NCOA1: variants seen among roughly 807,000 people sequenced by gnomAD.
NCOA1 encodes nuclear receptor coactivator 1, also known as Hin-2 protein.
A neutral mutation model predicts 150.9 loss-of-function variants in NCOA1; 35 were observed. That is an observed-to-expected ratio of 0.23 (90% CI 0.18 to 0.31). The LOEUF is 0.31. Ranked by LOEUF, NCOA1 falls within the 10% of genes least tolerant of loss-of-function variation. NCOA1 has a pLI of 1.00. For synonymous variants in NCOA1, 590 were observed against 630.0 expected (o/e 0.94, Z 0.95); for missense variants, 1,491 against 1,749.3 (o/e 0.85, Z 2.63).
chr2:24,673,378 C>G lies in NCOA1; in HGVS notation c.269C>G (p.Thr90Ser). 2.5e-6 allele frequency: 4 copies of G among 1,570,478 alleles called. No homozygotes were observed. Among genetic ancestry groups the G allele is most frequent in the Non-Finnish European group, 3.4e-6 (4 of 1,163,516 alleles). Residue 90 changes from threonine to serine, a missense_variant, in exon 7 of 23, where the codon ACT becomes AGT. By Grantham distance (58) the Thr-to-Ser change is moderately conservative (BLOSUM62 1). Transcript: ENST00000348332. The stretch of plus-strand genomic sequence containing the variant: ...TTCTTTATTATAGAGAAATCAACAA[C>G]TGATGACGATGTACAGAAATCAGAC... ...MKRMEQEKST[T>S]DDDVQKSDIS...
Position 24,705,108 on chromosome 2 carries a change from C to T in NCOA1, c.972C>T (p.Ser324=). The change falls in exon 12 of 23, where the codon TCC becomes TCT. Residue 324 remains serine, a synonymous_variant. Coordinates refer to ENST00000348332, the MANE Select transcript of NCOA1 (RefSeq NM_003743.5). ...CAGTGATGACTCGTGGCACTGCCTC[C>T]AGCCCCTCCTATAGATTCATATTGA... ...FQEVMTRGTA[S]SPSYRFILND... 2 of 1,613,940 alleles carry T rather than the reference C, an allele frequency of 1.2e-6. No individual in the cohort carries two copies. The highest frequency in any genetic ancestry group is 1.7e-6 in the Non-Finnish European group (2 of 1,179,896).
intron 1 of NCOA1, chr2:24,554,640 C>T (rs1665995877): frequency 6.6e-6 from 1 of 152,334 alleles, no homozygotes; most frequent in South Asian, 2.1e-4. Flanking sequence ...TCCAGAACCT[C>T]TTCCAGCCTC....
intron 21 of NCOA1, among the ~76,000 whole-genome samples, chr2:24,760,074 G>A (rs1321226861): frequency 1.3e-5 from 2 of 149,192 alleles, no homozygotes; most frequent in Non-Finnish European, 3.0e-5. Flanking sequence ...CATTCTTTTT[G>A]TAGTTCTAAA....
intron 13 of NCOA1, 103 bp from the exon 14 acceptor site, chr2:24,710,828 G>A (rs1381252931): frequency 9.1e-7 from 1 of 1,102,616 alleles, no homozygotes; most frequent in East Asian, 2.5e-5. Context: ...TTATCTCAAA[G>A]TCACACTGAA....
At chr2:24,600,560 T>C (rs1250941611) in intron 3 of NCOA1, among the ~76,000 whole-genome samples, 1 of 152,230 alleles carries the variant, frequency 6.6e-6, no homozygotes, top group Non-Finnish European at 1.5e-5. Context: ...TTGTTGTTAC[T>C]TATACTGTGT....
At chr2:24,733,555 G>A (rs746786415) in intron 17 of NCOA1, among the ~76,000 whole-genome samples, 4 of 151,650 alleles carry the variant, frequency 2.6e-5, no homozygotes, top group Admixed American at 1.3e-4. Context: ...ACCACCCTGC[G>A]CAACATGGTG....
rs1370003872 is a variant in NCOA1, at chr2:24,629,809, CATACATACAT to C, written c.-174-14153_-174-14144del. 5.1e-5 allele frequency among the ~76,000 whole-genome samples: 5 copies of C among 97,362 alleles called. No homozygotes were observed. In the South Asian group the frequency reaches 1.5e-3, roughly 30 times the overall value. The allele number at this position is 97,362 out of a possible 152,430, so 63.9% of individuals were successfully genotyped here. On this transcript the variant is annotated intron_variant, in intron 3 of 22. Transcript: ENST00000348332. ...ATGTGCCAGACACTGTTTTAAGTAA[CATACATACAT>C]ATATATATATATATATATATATATA...
chr2:24,757,867 C>A, intron 20 of NCOA1, 106 bp from the exon 21 acceptor site: 1 of 978,996 alleles, frequency 1.0e-6, no homozygotes, highest in Non-Finnish European at 1.5e-6. Context: ...TACAGTCATA[C>A]ATGCAATTTA....
At chr2:24,723,242 T>G (rs1558315826) in intron 14 of NCOA1, among the ~76,000 whole-genome samples, 1 of 152,224 alleles carries the variant, frequency 6.6e-6, no homozygotes, top group Non-Finnish European at 1.5e-5. Context: ...TAGTCACTTT[T>G]TCACTTAATG....
rs1235476316 is a variant in NCOA1 at position 24,706,798 on chromosome 2, G to A, written c.1328G>A (p.Cys443Tyr). 1 of 1,614,194 alleles carries A rather than the reference G, an allele frequency of 6.2e-7. No individual in the cohort carries two copies. The highest frequency in any genetic ancestry group is 1.7e-5 in the Admixed American group (1 of 60,028). The change falls in exon 13 of 23, where the codon TGC becomes TAC. Residue 443 changes from cysteine (C) to tyrosine (Y), a missense_variant. Physicochemically the swap from Cys to Tyr is radical, Grantham distance 194. Around this residue, in one of 8 missense-constraint regions of NCOA1, gnomAD observed 703 missense variants for 717.7 expected, o/e 0.98. Transcript: ENST00000348332. The part of the protein sequence containing the change: ...NSSNSQGSFG[C>Y]SPGSQIVANV... ...AGCAACAGCCAAGGAAGTTTCGGAT[G>A]CTCACCCGGAAGTCAGATTGTAGCC... is the stretch of plus-strand genomic sequence containing the variant.
intron 1 of NCOA1, among the ~76,000 whole-genome samples, chr2:24,506,672 T>C (rs544808207): frequency 2.0e-5 from 3 of 152,310 alleles, no homozygotes; most frequent in East Asian, 1.9e-4. Context: ...TTATGAAATA[T>C]ATATAGTACC....
intron 17 of NCOA1, among the ~76,000 whole-genome samples, chr2:24,738,504 C>T (rs1009160540): frequency 1.3e-5 from 2 of 152,126 alleles, no homozygotes; most frequent in Non-Finnish European, 2.9e-5. Context: ...TGACCTGGAA[C>T]CCTAATCCTG....
intron 11 of NCOA1, among the ~76,000 whole-genome samples, chr2:24,699,346 C>T (rs1223796556): frequency 3.9e-5 from 6 of 152,184 alleles, no homozygotes; most frequent in Non-Finnish European, 7.3e-5. Context: ...ATCCAAATGG[C>T]TAGGCTCCCC....
chr2:24,732,291 A>G (rs3731629), intron 17 of NCOA1, among the ~76,000 whole-genome samples: 39,412 of 152,122 alleles, frequency 0.26, 5,177 homozygotes, highest in Non-Finnish European at 0.28. Context: ...TGGCATGGTA[A>G]CCTAACAGAG....
intron 1 of NCOA1, among the ~76,000 whole-genome samples, chr2:24,563,066 T>G (rs1426026417): frequency 2.6e-5 from 4 of 152,164 alleles, no homozygotes; most frequent in African/African-American, 7.2e-5. Flanking sequence ...GCCCAGTGGT[T>G]GAAAGAGTTG....
intron 1 of NCOA1, among the ~76,000 whole-genome samples, chr2:24,549,792 G>C (rs1423482293): frequency 2.6e-5 from 4 of 152,090 alleles, no homozygotes; most frequent in Admixed American, 2.6e-4. Flanking sequence ...GGATGGTCTC[G>C]ATCTCCTGAC....
chr2:24,711,184 T>C, intron 14 of NCOA1, 73 bp downstream of exon 14: 1 of 1,397,602 alleles, frequency 7.2e-7, no homozygotes, highest in South Asian at 1.5e-5. Flanking sequence ...CTCTCACCAG[T>C]ATTACACAGA....
Position 24,560,796 on chromosome 2 carries a change from CAT to C in NCOA1, c.-395-3497_-395-3496del, listed in dbSNP as rs567508015. 4.6e-5 allele frequency among the ~76,000 whole-genome samples: 7 copies of C among 152,176 alleles called. No individual in the cohort carries two copies. The South Asian group carries it at 1.2e-3, about 27-fold the overall frequency. ...TGGTTGTTGAGTTTTTAGATAGGAT[CAT>C]AGAGTAAACTTGAGATAAAAGATAA... On this transcript the variant is annotated intron_variant, in intron 1 of 22. Transcript: ENST00000348332.
chr2:24,656,020 G>A (rs929504968), intron 4 of NCOA1, among the ~76,000 whole-genome samples: 8 of 151,258 alleles, frequency 5.3e-5, no homozygotes, highest in Admixed American at 2.6e-4. Context: ...CCCGGGAGGC[G>A]GAGCTTGCAG....
Sources: allele counts gnomAD v4.1 joint callset (sites outside exome capture counted in the v4.1 genomes callset), GRCh38; gene constraint gnomAD v4.1.1; regional missense constraint gnomAD v4.1.1; transcripts MANE v1.5; gene names NCBI Gene and HGNC (gene_info 2026-07-23, HGNC 2026-07-21).